The following LRTM3 variants were observed in gnomAD, a reference collection of about 807,000 sequenced individuals.
LRTM3 encodes the protein leucine-rich repeat transmembrane protein 3.
the LRTM3 span, chr13:102,736,210 T>A: frequency 6.5e-7 from 1 of 1,548,612 alleles, no homozygotes; most frequent in Non-Finnish European, 8.7e-7. Context: ...AAGGCATGAA[T>A]GGATGAGTTT....
the LRTM3 span, chr13:102,740,149 T>C: frequency 6.5e-7 from 1 of 1,547,962 alleles, no homozygotes; most frequent in Admixed American, 2.0e-5. Context: ...TCTTCCCAAG[T>C]CTTAACTTGG....
the LRTM3 span, chr13:102,747,314 A>G: frequency 2.3e-5 from 35 of 1,549,796 alleles, no homozygotes; most frequent in Non-Finnish European, 3.1e-5. Context: ...TTTATCTTGC[A>G]GTATCTGTTT....
chr13:102,745,794 G>A, the LRTM3 span: 29 of 1,551,008 alleles, frequency 1.9e-5, no homozygotes, highest in Middle Eastern at 3.3e-4. Flanking sequence ...GACTTTAGAG[G>A]TGAAAACCTA....
chr13:102,732,690 T>G, the LRTM3 span: 1 of 1,551,244 alleles, frequency 6.4e-7, no homozygotes. Context: ...GCACTACTGC[T>G]TGTGTCCATT....
chr13:102,737,803 A>G, the LRTM3 span: 2 of 1,550,802 alleles, frequency 1.3e-6, no homozygotes, highest in Non-Finnish European at 8.7e-7. Context: ...GTAAAATACC[A>G]GGTCTGATTA....
the LRTM3 span, among the ~76,000 whole-genome samples, chr13:102,755,854 A>T: frequency 6.7e-6 from 1 of 149,598 alleles, no homozygotes; most frequent in African/African-American, 2.5e-5. Flanking sequence ...CTATGTTCAT[A>T]GTTCTTTTCC....
chr13:102,747,845 G>A, the LRTM3 span: 1 of 1,551,222 alleles, frequency 6.4e-7, no homozygotes, highest in Non-Finnish European at 8.7e-7. Context: ...TTTATTTGGG[G>A]CTTTACTACT....
chr13:102,746,238 C>T, the LRTM3 span: 2 of 1,550,600 alleles, frequency 1.3e-6, no homozygotes, highest in Non-Finnish European at 1.7e-6. Flanking sequence ...TTCATTTGAC[C>T]CGCCTCAGAC....
the LRTM3 span, chr13:102,730,420 T>C: frequency 1.3e-6 from 2 of 1,550,884 alleles, no homozygotes; most frequent in African/African-American, 2.7e-5. Flanking sequence ...GAGTTTCACA[T>C]GAAACAGCTG....
At chr13:102,745,116 T>C in the LRTM3 span, 1 of 1,550,728 alleles carries the variant, frequency 6.4e-7, no homozygotes. Flanking sequence ...TCTTGTTTGG[T>C]AACAAACAGA....
the LRTM3 span, chr13:102,739,432 T>C: frequency 9.0e-6 from 14 of 1,550,432 alleles, no homozygotes; most frequent in South Asian, 1.5e-4. Flanking sequence ...GCTTTAGTGG[T>C]GGAAGGCAGC....
At chr13:102,735,706 T>G in the LRTM3 span, 1 of 1,551,168 alleles carries the variant, frequency 6.4e-7, no homozygotes, top group Non-Finnish European at 8.7e-7. Flanking sequence ...AGTTGCTTAA[T>G]GTGTAACCAT....
At chr13:102,745,643 G>T in the LRTM3 span, 1 of 1,551,080 alleles carries the variant, frequency 6.4e-7, no homozygotes, top group Non-Finnish European at 8.7e-7. Flanking sequence ...TTTAGGTGTA[G>T]ATAAAGCAGG....
chr13:102,742,087 C>T, the LRTM3 span: 1 of 1,550,340 alleles, frequency 6.5e-7, no homozygotes, highest in East Asian at 2.4e-5. Context: ...TGTCTTTCTC[C>T]ATTTTTACTT....
chr13:102,743,095 G>A, the LRTM3 span: 1 of 1,550,236 alleles, frequency 6.5e-7, no homozygotes, highest in South Asian at 1.2e-5. Flanking sequence ...TAAGATATGT[G>A]TTTGCCATGA....
the LRTM3 span, chr13:102,758,628 C>A: frequency 6.6e-7 from 1 of 1,517,416 alleles, no homozygotes; most frequent in Non-Finnish European, 8.8e-7. Context: ...TATCAAAATT[C>A]AAAAATTTTA....
the LRTM3 span, chr13:102,745,869 T>C: frequency 1.9e-6 from 3 of 1,551,042 alleles, no homozygotes; most frequent in East Asian, 7.3e-5. Flanking sequence ...GACTTCAAAA[T>C]AGTTTGTGTA....
the LRTM3 span, chr13:102,732,866 G>T: frequency 2.6e-6 from 4 of 1,551,334 alleles, no homozygotes; most frequent in Non-Finnish European, 3.5e-6. Flanking sequence ...ATTTATATTG[G>T]TGTTTGCGTC....
the LRTM3 span, chr13:102,742,129 T>C: frequency 1.3e-6 from 2 of 1,550,444 alleles, no homozygotes; most frequent in Non-Finnish European, 1.7e-6. Context: ...ACACACAGTA[T>C]CCAGAGTCAT....
Sources: allele counts gnomAD v4.1 joint callset (sites outside exome capture counted in the v4.1 genomes callset), GRCh38; gene constraint gnomAD v4.1.1; transcripts MANE v1.5; gene names NCBI Gene and HGNC (gene_info 2026-07-23, HGNC 2026-07-21).